Variants in TSPEAR observed in about 807,000 individuals in gnomAD.
TSPEAR encodes the protein thrombospondin type laminin G domain and EAR repeats, also known as thrombospondin-type laminin G domain and EAR repeat-containing protein.
TSPEAR carries 69 observed loss-of-function variants against 71.6 expected under a neutral mutation model. That is an observed-to-expected ratio of 0.96 (90% confidence interval 0.79 to 1.18). The LOEUF (loss-of-function observed/expected upper bound fraction) is 1.18. Among genes scored for constraint, TSPEAR ranks in the 50% most tolerant of loss-of-function variants. The pLI, the probability that TSPEAR is intolerant of heterozygous loss-of-function variation, is 0.00. For synonymous variants in TSPEAR, 402 were observed against 387.2 expected, an observed-to-expected ratio of 1.04 and a Z score of -0.45; for missense variants, 971 against 894.9, an observed-to-expected ratio of 1.09 and a Z score of -1.09.
intron 1 of TSPEAR, among the ~76,000 whole-genome samples, chr21:44,619,980 T>G (rs968250989): frequency 8.5e-5 from 13 of 152,178 alleles, no homozygotes; most frequent in Admixed American, 2.0e-4. Flanking sequence ...TGGCCCAAAC[T>G]TCCAGAATTG....
At chr21:44,529,693 G>A in intron 5 of TSPEAR, 105 bp downstream of exon 5, 1 of 1,298,892 alleles carries the variant, frequency 7.7e-7, no homozygotes, top group Non-Finnish European at 1.1e-6. Flanking sequence ...GAGGGGGGCA[G>A]GCACACGAGA....
rs1982612601 is a variant in TSPEAR, at chr21:44,623,971, G to A, written c.83-55966C>T. Among the ~76,000 whole-genome samples the A allele has an allele frequency of 6.6e-6, 1 of 151,946 alleles. No individual in the cohort carries two copies. Among genetic ancestry groups the A allele is most frequent in the Non-Finnish European group, 1.5e-5 (1 of 67,992 alleles). ...TGTTTTTCATCACTTTAAACTTCTT[G>A]TCTATTAAACCTTCAAATATTTTAC... On this transcript the variant is annotated intron_variant, in intron 1 of 11. Transcript: ENST00000323084. This position sits in a 1 kb window ranked among gnomAD's most constrained non-coding sequence, Gnocchi z 4.5.
intron 1 of TSPEAR, among the ~76,000 whole-genome samples, chr21:44,569,994 T>G (rs1296826165): frequency 6.6e-6 from 1 of 152,234 alleles, no homozygotes; most frequent in South Asian, 2.1e-4. Context: ...GTAAACCCCA[T>G]GCACCCTACT....
chr21:44,503,751 T>C (rs1236365803), intron 11 of TSPEAR, among the ~76,000 whole-genome samples: 4 of 106,422 alleles, frequency 3.8e-5, no homozygotes, highest in Non-Finnish European at 7.4e-5. Context: ...GAGGCCGGAG[T>C]TGGTGAGCCC....
intron 1 of TSPEAR, among the ~76,000 whole-genome samples, chr21:44,595,147 A>G (rs1980277839): frequency 6.6e-6 from 1 of 152,100 alleles, no homozygotes; most frequent in Non-Finnish European, 1.5e-5. Context: ...TTAAATGAAC[A>G]CAAGCAGTCA....
chr21:44,579,616 G>A, intron 1 of TSPEAR: 1 of 1,037,532 alleles, frequency 9.6e-7, no homozygotes, highest in Non-Finnish European at 1.4e-6. Flanking sequence ...TTCGAGGATG[G>A]AGATTCCTGG....
At chr21:44,657,516 G>A (rs968990735) in intron 1 of TSPEAR, among the ~76,000 whole-genome samples, 3 of 152,178 alleles carry the variant, frequency 2.0e-5, no homozygotes, top group Non-Finnish European at 4.4e-5. Context: ...AACAGGCAGT[G>A]GGCCAAATGT....
intron 1 of TSPEAR, among the ~76,000 whole-genome samples, chr21:44,602,491 G>A (rs587594886): frequency 4.1e-4 from 44 of 107,090 alleles, no homozygotes; most frequent in Middle Eastern, 9.5e-3. Context: ...CACGGTGGGC[G>A]GGGACGGCCA....
intron 1 of TSPEAR, chr21:44,690,753 G>A: frequency 3.5e-6 from 1 of 283,048 alleles, no homozygotes; most frequent in Non-Finnish European, 5.3e-6. Flanking sequence ...TGGGGGTGTG[G>A]TCATTTGCTT....
rs1555951551 is a variant in TSPEAR, at chr21:44,701,748, CGGCTGT to C, written c.82+9679_82+9684del. On this transcript the variant is annotated intron_variant, in intron 1 of 11. Transcript: ENST00000323084. Reference sequence around the variant, plus strand: ...AGCTCACTCACCTGCCACTCCCCTCCGGCTGTAAAGCTCACTCACCTGCCACTCCCC... The same window carrying C: ...AGCTCACTCACCTGCCACTCCCCTCCAAAGCTCACTCACCTGCCACTCCCC... Among the ~76,000 whole-genome samples the C allele has an allele frequency of 3.5e-5, 3 of 85,008 alleles. No individual in the cohort carries two copies. The Admixed American group carries it at 4.4e-4, about 13-fold the overall frequency. The allele number at this position is 85,008 out of a possible 152,430, so 55.8% of individuals were successfully genotyped here. A position where few individuals can be genotyped will look rare whatever the true frequency, so the allele number is the denominator to read the frequency against.
intron 2 of TSPEAR, among the ~76,000 whole-genome samples, chr21:44,566,538 T>G (rs1445476459): frequency 6.6e-6 from 1 of 152,148 alleles, no homozygotes; most frequent in South Asian, 2.1e-4. Flanking sequence ...CGATCCAGAA[T>G]AGCCAAACCA....
chr21:44,694,053 A>G (rs561838381), intron 1 of TSPEAR, among the ~76,000 whole-genome samples: 1 of 152,348 alleles, frequency 6.6e-6, no homozygotes, highest in South Asian at 2.1e-4. Flanking sequence ...AAAAGCAATC[A>G]AATCTAAGAG....
intron 1 of TSPEAR, among the ~76,000 whole-genome samples, chr21:44,629,460 C>T (rs743495): frequency 0.63 from 96,435 of 152,046 alleles, 30,991 homozygotes; most frequent in Admixed American, 0.69. Flanking sequence ...CCCTCATCTC[C>T]TCTTCTCAAG....
chr21:44,527,687 G>A (rs754687726), intron 6 of TSPEAR, among the ~76,000 whole-genome samples, 169 bp from the exon 7 acceptor site: 10 of 152,348 alleles, frequency 6.6e-5, no homozygotes, highest in South Asian at 4.1e-4. Flanking sequence ...CCTGTCAAAG[G>A]GAGGCCACTC....
At chr21:44,618,861 T>A (rs1225086315) in intron 1 of TSPEAR, among the ~76,000 whole-genome samples, 1 of 152,128 alleles carries the variant, frequency 6.6e-6, no homozygotes, top group Non-Finnish European at 1.5e-5. Flanking sequence ...GTCAAAAATT[T>A]TCAGTTGGGA....
At chr21:44,595,905 G>A (rs1371644570) in intron 1 of TSPEAR, among the ~76,000 whole-genome samples, 1 of 152,222 alleles carries the variant, frequency 6.6e-6, no homozygotes, top group Non-Finnish European at 1.5e-5. Flanking sequence ...GTTTACAGCT[G>A]CATAGAATTC....
intron 1 of TSPEAR, chr21:44,579,352 C>T (rs1402395572): frequency 7.1e-5 from 17 of 238,654 alleles, no homozygotes; most frequent in Non-Finnish European, 1.1e-4. Context: ...CACTGTCCCC[C>T]GTGACTTCTA....
intron 1 of TSPEAR, chr21:44,677,365 T>C: frequency 3.6e-6 from 5 of 1,400,766 alleles, no homozygotes; most frequent in Non-Finnish European, 5.0e-6. Flanking sequence ...TTCAATATGT[T>C]GGAGTGTGCA....
At chr21:44,526,341 G>T (rs1447897673) in intron 7 of TSPEAR, among the ~76,000 whole-genome samples, 1 of 152,226 alleles carries the variant, frequency 6.6e-6, no homozygotes, top group South Asian at 2.1e-4. Context: ...CATGGACGAT[G>T]TGCTTGGAGG....
Sources: gnomAD v4.1 joint callset for allele counts (sites outside exome capture counted in the v4.1 genomes callset) on GRCh38, gnomAD v4.1.1 for gene constraint, Gnocchi (gnomAD v3.1) non-coding constraint, MANE v1.5 for transcripts, NCBI Gene and HGNC (gene_info 2026-07-23, HGNC 2026-07-21) for gene names.